The following CEACAM20 variants were observed in gnomAD, a reference collection of about 807,000 sequenced individuals.
CEACAM20 encodes the protein CEA cell adhesion molecule 20.
CEACAM20 carries 50 observed loss-of-function variants against 61.2 expected under a neutral mutation model. The ratio of observed to expected loss-of-function variants is 0.82; its 90% CI spans 0.65 to 1.03. CEACAM20 has a LOEUF of 1.03. CEACAM20 is among the 50% of genes least tolerant of loss of function. The pLI, the probability that CEACAM20 is intolerant of heterozygous loss-of-function variation, is 0.00. For missense variants in CEACAM20, 683 were observed against 736.4 expected (o/e 0.93, Z 0.84); for synonymous variants, 282 against 287.7 (o/e 0.98, Z 0.20).
In CEACAM20 at chr19:44,513,153, C is replaced by T. The variant is rs375433735; in HGVS notation, c.1427+19G>A. The T allele has an allele frequency of 8.8e-6, 14 of 1,583,118 alleles. No individual in the cohort carries two copies. The highest frequency in any genetic ancestry group is 1.1e-5 in the Non-Finnish European group (13 of 1,153,698). On this transcript the variant is annotated intron_variant, in intron 7 of 11. Coordinates refer to ENST00000614924, the MANE Select transcript of CEACAM20 (RefSeq NM_001102597.3). ...GCCACATCCCCATCCCCATCCCCCTCCCTGTATCCCTGTGTTACCGTCTGG... is the reference window on the plus strand; with the variant it reads ...GCCACATCCCCATCCCCATCCCCCTTCCTGTATCCCTGTGTTACCGTCTGG...
intron 1 of CEACAM20, among the ~76,000 whole-genome samples, chr19:44,528,196 C>CCTTT (rs1276403534): frequency 6.8e-6 from 1 of 146,560 alleles, no homozygotes; most frequent in African/African-American, 2.5e-5. Flanking sequence ...TTCTTTCTTT[C>CCTTT]CTTTCTTTCT....
At chr19:44,512,823 G>T in intron 8 of CEACAM20, 45 bp downstream of exon 8, 1 of 1,528,900 alleles carries the variant, frequency 6.5e-7, no homozygotes, top group Non-Finnish European at 9.0e-7. Flanking sequence ...CTCTTCCCCA[G>T]CCCTCACCCC....
chr19:44,512,672 T>C (rs996500093), intron 8 of CEACAM20, among the ~76,000 whole-genome samples, 196 bp downstream of exon 8: 3 of 152,230 alleles, frequency 2.0e-5, no homozygotes, highest in East Asian at 1.9e-4. Context: ...GCCGGGACTG[T>C]TGGAACAGGC....
intron 4 of CEACAM20, among the ~76,000 whole-genome samples, chr19:44,522,305 A>G (rs1971388941): frequency 6.6e-6 from 1 of 152,060 alleles, no homozygotes; most frequent in East Asian, 1.9e-4. Context: ...GGGTTTCACC[A>G]TGGTAGCCAG....
chr19:44,516,294 T>C (rs1283174800), intron 6 of CEACAM20, among the ~76,000 whole-genome samples: 26 of 152,222 alleles, frequency 1.7e-4, no homozygotes, highest in Admixed American at 1.7e-3. Context: ...CTCATTGTCC[T>C]TCTAAGCAAC....
intron 5 of CEACAM20, among the ~76,000 whole-genome samples, chr19:44,518,160 AAGG>A (rs1971243917): frequency 2.4e-4 from 19 of 79,556 alleles, no homozygotes; most frequent in Non-Finnish European, 4.2e-4. Context: ...GGAAGGAAGG[AAGG>A]AAGGAAGAAA....
At position 44,523,993 on chromosome 19, in the gene CEACAM20, A is replaced by G. The variant is rs1453673460; in HGVS notation, c.465T>C (p.Asp155=). The change falls in exon 3 of 12, where the codon GAT becomes GAC. Residue 155 remains aspartate, a synonymous_variant. Coordinates refer to ENST00000614924, the MANE Select transcript of CEACAM20 (RefSeq NM_001102597.3). ...LSQRSDPIFL[D]VKYGPDPVEI... ...GAATGGAAAGGGACTCACACTTCAC[A>G]TCCAGGAAGATGGGGTCGCTCCTCT... 1 of 1,551,176 alleles carries G rather than the reference A, an allele frequency of 6.4e-7. No homozygotes were observed. Among genetic ancestry groups the G allele is most frequent in the Non-Finnish European group, 8.7e-7 (1 of 1,146,600 alleles).
intron 11 of CEACAM20, among the ~76,000 whole-genome samples, chr19:44,508,380 T>G (rs967991948): frequency 6.6e-6 from 1 of 152,104 alleles, no homozygotes; most frequent in African/African-American, 2.4e-5. Flanking sequence ...GAACTAATAG[T>G]TTTCTTCTTT....
intron 5 of CEACAM20, among the ~76,000 whole-genome samples, chr19:44,518,612 C>T (rs1289120521): frequency 6.6e-6 from 1 of 151,984 alleles, no homozygotes; most frequent in Admixed American, 6.6e-5. Flanking sequence ...AAGAGTCATA[C>T]TTTATTTAAA....
At chr19:44,523,029 T>C in intron 3 of CEACAM20, 117 bp from the exon 4 acceptor site, 3 of 891,210 alleles carry the variant, frequency 3.4e-6, no homozygotes, top group Non-Finnish European at 5.1e-6. Flanking sequence ...AAAGGCTAGA[T>C]CAATTGCAAA....
rs759671570 is a variant in CEACAM20 at position 44,517,019 on chromosome 19, C to A, written c.1236G>T (p.Gly412=). The part of the protein sequence containing the change: ...IIRALTWEHD[G]IYNCTASNSL... ...AGTTGGAGGCTGTGCAGTTGTAGAT[C>A]CCGTCGTGTTCCCAGGTCAGAGCCC... Residue 412 remains glycine, a synonymous_variant, in exon 6 of 12, where the codon GGG becomes GGT. Transcript: ENST00000614924. 3.9e-5 allele frequency: 63 copies of A among 1,596,584 alleles called. No individual in the cohort carries two copies. Among genetic ancestry groups the A allele is most frequent in the Non-Finnish European group, 6.0e-6 (7 of 1,171,946 alleles).
chr19:44,520,864 G>C (rs1971343961), intron 4 of CEACAM20, 112 bp from the exon 5 acceptor site: 1 of 932,314 alleles, frequency 1.1e-6, no homozygotes, highest in East Asian at 2.6e-5. Flanking sequence ...GTGTGTGTGT[G>C]TGTGTTACAG....
chr19:44,518,302 A>G (rs182212296), intron 5 of CEACAM20, among the ~76,000 whole-genome samples: 8 of 152,182 alleles, frequency 5.3e-5, no homozygotes, highest in Admixed American at 2.6e-4. Context: ...TATAATCCCT[A>G]ACTTCTAGTA....
At chr19:44,523,894 G>T in intron 3 of CEACAM20, 92 bp downstream of exon 3, 2 of 1,329,550 alleles carry the variant, frequency 1.5e-6, no homozygotes, top group Non-Finnish European at 2.0e-6. Context: ...AGACAAGTCC[G>T]CATCTGGATG....
intron 5 of CEACAM20, among the ~76,000 whole-genome samples, chr19:44,518,235 A>AAAGGAAGG (rs1359785245): frequency 1.1e-4 from 6 of 52,648 alleles, no homozygotes; most frequent in Non-Finnish European, 1.8e-4. Context: ...AGAGAGAGAG[A>AAAGGAAGG]AAGGAAGGAA....
chr19:44,524,318 G>A (rs1417952727), intron 2 of CEACAM20, 57 bp from the exon 3 acceptor site: 1 of 1,550,336 alleles, frequency 6.5e-7, no homozygotes. Context: ...GAACAAACAA[G>A]ACATAGTCAC....
intron 11 of CEACAM20, among the ~76,000 whole-genome samples, chr19:44,507,909 G>C (rs1017528837): frequency 2.6e-5 from 4 of 152,142 alleles, no homozygotes; most frequent in Admixed American, 2.6e-4. Flanking sequence ...AACTAAAAAG[G>C]TGTATAGGAT....
chr19:44,523,301 C>T (rs895803726), intron 3 of CEACAM20, among the ~76,000 whole-genome samples: 2 of 151,370 alleles, frequency 1.3e-5, no homozygotes, highest in African/African-American at 4.9e-5. Flanking sequence ...CCCAGCTACT[C>T]GGGAGGCTGA....
chr19:44,513,659 T>C (rs1282039417), intron 6 of CEACAM20, among the ~76,000 whole-genome samples: 1 of 152,110 alleles, frequency 6.6e-6, no homozygotes, highest in Non-Finnish European at 1.5e-5. Flanking sequence ...CAGGCTGGTC[T>C]GGACCTCCTG....
Sources: allele counts gnomAD v4.1 joint callset (sites outside exome capture counted in the v4.1 genomes callset), GRCh38; gene constraint gnomAD v4.1.1; transcripts MANE v1.5; gene names NCBI Gene and HGNC (gene_info 2026-07-23, HGNC 2026-07-21).